Variants in FBN2 observed in about 807,000 individuals in gnomAD.
The protein encoded by FBN2 is fibrillin 2, also known as fibrillin-2.
FBN2 carries 105 observed loss-of-function variants against 355.6 expected under a neutral mutation model. The ratio of observed to expected loss-of-function variants is 0.30; its 90% CI spans 0.25 to 0.35. The LOEUF is 0.35. Ranked by LOEUF, FBN2 falls within the 10% of genes least tolerant of loss-of-function variation. The pLI, the probability that FBN2 is intolerant of heterozygous loss-of-function variation, is 1.00. For synonymous variants in FBN2, 1,350 were observed against 1,301.2 expected (o/e 1.04, Z -0.81); for missense variants, 3,280 against 3,758.7 (o/e 0.87, Z 3.33).
intron 4 of FBN2, among the ~76,000 whole-genome samples, chr5:128,520,770 C>A (rs1756410652): frequency 6.6e-6 from 1 of 152,190 alleles, no homozygotes; most frequent in Non-Finnish European, 1.5e-5. Flanking sequence ...CAATTAAAGG[C>A]ATGATTCTGT....
intron 5 of FBN2, among the ~76,000 whole-genome samples, chr5:128,487,484 T>C (rs1381067274): frequency 6.6e-6 from 1 of 152,206 alleles, no homozygotes; most frequent in Non-Finnish European, 1.5e-5. Context: ...TAAATCAGTA[T>C]CTCAAAAACC....
intron 13 of FBN2, among the ~76,000 whole-genome samples, chr5:128,377,246 C>T (rs331094): frequency 0.44 from 66,884 of 151,854 alleles, 15,325 homozygotes; most frequent in Admixed American, 0.5. Context: ...GATGTGTTAC[C>T]TTGTAAACAA....
intron 7 of FBN2, among the ~76,000 whole-genome samples, chr5:128,411,635 G>C (rs1753067878): frequency 6.6e-6 from 1 of 152,124 alleles, no homozygotes; most frequent in Non-Finnish European, 1.5e-5. Flanking sequence ...GTGGAGCTTG[G>C]GGTTTTTATA....
At chr5:128,285,481 C>T (rs966958101) in intron 55 of FBN2, among the ~76,000 whole-genome samples, 3 of 152,142 alleles carry the variant, frequency 2.0e-5, no homozygotes, top group African/African-American at 7.2e-5. Flanking sequence ...TTTTGTAGTG[C>T]TGTTTAACAA....
intron 8 of FBN2, among the ~76,000 whole-genome samples, chr5:128,404,805 T>G (rs557954168): frequency 2.6e-5 from 4 of 152,328 alleles, no homozygotes; most frequent in African/African-American, 9.6e-5. Context: ...CATATTTCAT[T>G]TCATTTCAAA....
intron 5 of FBN2, among the ~76,000 whole-genome samples, chr5:128,506,253 A>G (rs528980033): frequency 6.6e-6 from 1 of 152,260 alleles, no homozygotes; most frequent in African/African-American, 2.4e-5. Flanking sequence ...TTCATACAAC[A>G]ATTTTGGGAG....
intron 7 of FBN2, among the ~76,000 whole-genome samples, chr5:128,427,823 C>A (rs1753521431): frequency 6.6e-6 from 1 of 152,162 alleles, no homozygotes; most frequent in South Asian, 2.1e-4. Flanking sequence ...GCTGGGCACC[C>A]TGCAATAAAT....
At position 128,462,550 on chromosome 5, in the gene FBN2, C is replaced by T. The variant is rs554345361; in HGVS notation, c.826+2174G>A. On this transcript the variant is annotated intron_variant, in intron 6 of 64. Transcript: ENST00000262464. ...TTTTGTTCCTGTTACTGTGTTAATCCCTCAGATTTTTAGGCAAATGGAGCC... is the reference window on the plus strand; with the variant it reads ...TTTTGTTCCTGTTACTGTGTTAATCTCTCAGATTTTTAGGCAAATGGAGCC... Among the ~76,000 whole-genome samples the T allele has an allele frequency of 3.4e-4, 51 of 152,146 alleles. 1 individual carries two copies. The Middle Eastern group carries it at 0.017, about 51-fold the overall frequency.
Position 128,528,917 on chromosome 5 carries a change from A to T in FBN2, c.437-950T>A, listed in dbSNP as rs368313882. ...CAGTGGAGATGGAAAGGAAAAGATA[A>T]ATCTGAGATAATTATTTTCCAGTAA... is the stretch of plus-strand genomic sequence containing the variant. On this transcript the variant is annotated intron_variant, in intron 3 of 64. Transcript: ENST00000262464. 9.8e-5 allele frequency among the ~76,000 whole-genome samples: 15 copies of T among 152,330 alleles called. No homozygotes were observed. The East Asian group carries it at 1.9e-3, about 20-fold the overall frequency.
Position 128,263,574 on chromosome 5 carries a change from G to T in FBN2, c.8043C>A (p.Pro2681=), listed in dbSNP as rs149502195. The change falls in exon 63 of 65, where the codon CCC becomes CCA. Residue 2681 remains proline, a synonymous_variant. Coordinates refer to ENST00000262464, the MANE Select transcript of FBN2 (RefSeq NM_001999.4). ...AGAACTGGTCGAAGGAGAACCCCGAGGGGCAGGCGCACTTGTAACTCCCCA... is the reference window on the plus strand; with the variant it reads ...AGAACTGGTCGAAGGAGAACCCCGATGGGCAGGCGCACTTGTAACTCCCCA... ...NTLGSYKCAC[P]SGFSFDQFSS... is the part of the protein sequence containing the mutation. 6.0e-5 allele frequency: 97 copies of T among 1,614,018 alleles called. 1 individual carries two copies. In the African/African-American group the frequency reaches 1.2e-3, roughly 20 times the overall value.
Position 128,301,489 on chromosome 5 carries a change from A to C in FBN2, c.5939T>G (p.Phe1980Cys). 1 of 1,613,500 alleles carries C rather than the reference A, an allele frequency of 6.2e-7. No individual in the cohort carries two copies. The highest frequency in any genetic ancestry group is 1.1e-5 in the South Asian group (1 of 91,074). The change falls in exon 47 of 65, where the codon TTT becomes TGT. Residue 1980 changes from phenylalanine (F) to cysteine (C), a missense_variant. By Grantham distance (205) the Phe-to-Cys change is radical (BLOSUM62 -2). Coordinates refer to ENST00000262464, the MANE Select transcript of FBN2 (RefSeq NM_001999.4). ...DCLDIDECSS[F>C]FGQVCRNGRC... Reference sequence around the variant, plus strand: ...TCCATTTCTGCACACCTGACCAAAAAAGGAACTGCACTCATCTATGTCTGT... The same window carrying C: ...TCCATTTCTGCACACCTGACCAAAACAGGAACTGCACTCATCTATGTCTGT...
chr5:128,453,229 T>C (rs573005708), intron 6 of FBN2, among the ~76,000 whole-genome samples: 16 of 152,376 alleles, frequency 1.1e-4, no homozygotes, highest in African/African-American at 3.6e-4. Flanking sequence ...AGCATGGTTC[T>C]ATCTCGATCT....
At chr5:128,298,630 A>G (rs1322265315) in intron 48 of FBN2, among the ~76,000 whole-genome samples, 1 of 152,092 alleles carries the variant, frequency 6.6e-6, no homozygotes, top group Non-Finnish European at 1.5e-5. Context: ...TGATCGCGTC[A>G]GCTCCTGAGG....
chr5:128,477,107 T>C (rs893495935), intron 5 of FBN2, among the ~76,000 whole-genome samples: 1 of 152,182 alleles, frequency 6.6e-6, no homozygotes, highest in African/African-American at 2.4e-5. Flanking sequence ...TCCAAAACAG[T>C]AGCCACTAGC....
intron 34 of FBN2, chr5:128,328,388 A>G: frequency 5.1e-6 from 3 of 588,860 alleles, no homozygotes; most frequent in Non-Finnish European, 9.0e-6. Flanking sequence ...TAAAAGCTGA[A>G]TAGTTTCTCC....
chr5:128,287,266 T>A (rs372169748), intron 54 of FBN2, 42 bp downstream of exon 54: 10 of 1,608,196 alleles, frequency 6.2e-6, no homozygotes. Context: ...ATCTCCAGCA[T>A]GACAAATAAA....
At chr5:128,302,906 G>GT (rs1749758666) in intron 46 of FBN2, 67 bp downstream of exon 46, 11 of 941,150 alleles carry the variant, frequency 1.2e-5, no homozygotes, top group African/African-American at 3.3e-5. Flanking sequence ...CTTTAGTTTT[G>GT]TTTTTTATTT....
intron 61 of FBN2, among the ~76,000 whole-genome samples, chr5:128,272,830 G>A (rs1449920588): frequency 6.6e-6 from 1 of 152,032 alleles, no homozygotes; most frequent in East Asian, 1.9e-4. Flanking sequence ...ATTAATAAAT[G>A]GTATCTTATG....
chr5:128,394,631 C>T (rs1011450357), intron 9 of FBN2, among the ~76,000 whole-genome samples: 2 of 152,136 alleles, frequency 1.3e-5, no homozygotes, highest in African/African-American at 4.8e-5. Flanking sequence ...ACAAGTCAAA[C>T]AGCTTTCAGG....
Sources: allele counts gnomAD v4.1 joint callset (sites outside exome capture counted in the v4.1 genomes callset), GRCh38; gene constraint gnomAD v4.1.1; transcripts MANE v1.5; gene names NCBI Gene and HGNC (gene_info 2026-07-23, HGNC 2026-07-21).